The following CROCC2 variants were observed in gnomAD, a reference collection of about 807,000 sequenced individuals.
The protein encoded by CROCC2 is ciliary rootlet coiled-coil, rootletin family member 2.
CROCC2 carries 163 observed loss-of-function variants against 177.6 expected under a neutral mutation model. That is an observed-to-expected ratio of 0.92 (90% CI 0.81 to 1.05). The LOEUF is 1.05. Among genes scored for constraint, CROCC2 ranks in the 50% least tolerant of loss-of-function variants. The pLI is 0.00. For missense variants in CROCC2, 1,929 were observed against 1,797.8 expected, an observed-to-expected ratio of 1.07 and a Z score of -1.32; for synonymous variants, 904 against 787.3, an observed-to-expected ratio of 1.15 and a Z score of -2.48.
chr2:240,942,659 T>C (rs904982220), intron 14 of CROCC2, among the ~76,000 whole-genome samples: 1 of 152,212 alleles, frequency 6.6e-6, no homozygotes, highest in African/African-American at 2.4e-5. Context: ...AGAATAGGGA[T>C]AAATTGCCTT....
intron 1 of CROCC2, among the ~76,000 whole-genome samples, chr2:240,909,502 T>G (rs2059274208): frequency 6.6e-6 from 1 of 152,236 alleles, no homozygotes; most frequent in Admixed American, 6.5e-5. Context: ...CTTGCAGCCC[T>G]GTGAGGATTC....
intron 27 of CROCC2, among the ~76,000 whole-genome samples, chr2:240,968,904 C>T (rs936749289): frequency 6.6e-6 from 1 of 152,128 alleles, no homozygotes; most frequent in Non-Finnish European, 1.5e-5. Context: ...GAGCCCCAGG[C>T]CCAGCCAGCC....
At chr2:240,911,398 A>T (rs1048237120) in intron 1 of CROCC2, among the ~76,000 whole-genome samples, 1 of 150,116 alleles carries the variant, frequency 6.7e-6, no homozygotes, top group South Asian at 2.1e-4. Flanking sequence ...CCCATCTTCA[A>T]GCAATTCTCG....
rs1469662752 is a variant in CROCC2 at position 240,959,224 on chromosome 2, AGGGTCCT to A, written c.2944-74_2944-68del. ...AGGCCACTGCAACACCTCTCTCTCC[AGGGTCCT>A]GGCCTTACCTCACCCTCCACTGCTG... On this transcript the variant is annotated intron_variant, in intron 19 of 31. Coordinates refer to ENST00000690015, the MANE Select transcript of CROCC2 (RefSeq NM_001351305.2). The A allele has an allele frequency of 2.0e-6, 3 of 1,470,784 alleles. No individual in the cohort carries two copies. The Admixed American group carries it at 7.1e-5, about 35-fold the overall frequency. 91.1% of individuals were successfully genotyped at this position (1,470,784 alleles called of 1,614,324 possible). A position where few individuals can be genotyped will look rare whatever the true frequency, so the allele number is the denominator to read the frequency against.
intron 14 of CROCC2, among the ~76,000 whole-genome samples, chr2:240,942,304 C>T (rs1038907169): frequency 6.6e-6 from 1 of 152,202 alleles, no homozygotes; most frequent in Non-Finnish European, 1.5e-5. Flanking sequence ...CACACACACA[C>T]TCAATCATCT....
chr2:240,949,104 C>T lies in CROCC2; in HGVS notation c.2482+7C>T. The T allele has an allele frequency of 2.0e-6, 3 of 1,528,556 alleles. No homozygotes were observed. The highest frequency in any genetic ancestry group is 2.6e-6 in the Non-Finnish European group (3 of 1,138,080). 94.7% of individuals were successfully genotyped at this position (1,528,556 alleles called of 1,614,324 possible). On this transcript the variant is annotated splice_region_variant and intron_variant, in intron 16 of 31. Coordinates refer to ENST00000690015, the MANE Select transcript of CROCC2 (RefSeq NM_001351305.2). This position sits in a 1 kb window ranked among gnomAD's most constrained non-coding sequence, Gnocchi z 4.5. Reference sequence around the variant, plus strand: ...GCGCGGCAGGCCTTGCAAGGTGCTCCAAGGGCGCTCCCTCAGCTCCTTCCC... The same window carrying T: ...GCGCGGCAGGCCTTGCAAGGTGCTCTAAGGGCGCTCCCTCAGCTCCTTCCC...
In CROCC2 at chr2:240,965,519, G is replaced by A. The variant is rs1023250356; in HGVS notation, c.3603+1G>A. The A allele has an allele frequency of 1.9e-5, 29 of 1,550,286 alleles. 1 individual carries two copies. Among genetic ancestry groups the A allele is most frequent in the East Asian group, 2.4e-5 (1 of 40,918 alleles). On this transcript the variant is annotated splice_donor_variant, in intron 23 of 31. Transcript: ENST00000690015. LOFTEE classifies it high-confidence loss of function. ...CAAGCACGAGGGTGCCCGGAAGGAG[G>A]TGGGAGGGCTGCCTGTGGTCAGAAG... is the stretch of plus-strand genomic sequence containing the variant.
chr2:240,935,358 C>A lies in CROCC2; in HGVS notation c.1939C>A (p.Leu647Met). ...CAGAGCCCCCGACACCTGGTGGCAG[C>A]TGGAGCAGGAGCGGGACCAGCTGCG... ...KSALNHLALQ[L>M]EQERDQLREQ... Residue 647 changes from leucine to methionine, a missense_variant and splice_region_variant, in exon 14 of 32, where the codon CTG becomes ATG. Around this residue, in one of 3 missense-constraint regions of CROCC2, gnomAD observed 1,397 missense variants for 1,239.9 expected, o/e 1.13. Coordinates refer to ENST00000690015, the MANE Select transcript of CROCC2 (RefSeq NM_001351305.2). The A allele has an allele frequency of 7.4e-7, 1 of 1,353,342 alleles. No homozygotes were observed. The highest frequency in any genetic ancestry group is 3.4e-5 in the Admixed American group (1 of 29,802). 83.8% of individuals were successfully genotyped at this position (1,353,342 alleles called of 1,614,324 possible). A position where few individuals can be genotyped will look rare whatever the true frequency, so the allele number is the denominator to read the frequency against.
intron 27 of CROCC2, among the ~76,000 whole-genome samples, 193 bp downstream of exon 27, chr2:240,968,455 C>T (rs1574787542): frequency 6.6e-6 from 1 of 152,136 alleles, no homozygotes; most frequent in Non-Finnish European, 1.5e-5. Flanking sequence ...CTGTGGCAGG[C>T]GGCTTTGGGG....
In CROCC2 at chr2:240,950,422, C is replaced by T. The variant is rs1282485498; in HGVS notation, c.2741C>T (p.Ala914Val). ...AAGGAGCTGGTGACAAAAAGTGCAG[C>T]TGAGAGGGAGGCTCTGAAGGGGGAA... Reference protein sequence around the residue: ...QEKELVTKSAAEREALKGEIQ... With the variant: ...QEKELVTKSAVEREALKGEIQ... The change falls in exon 18 of 32, where the codon GCT (alanine) becomes GTT (valine). Residue 914 changes from alanine to valine, a missense_variant. Physicochemically the swap from Ala to Val is moderately conservative, Grantham distance 64. Transcript: ENST00000690015. The T allele has an allele frequency of 1.9e-6, 3 of 1,550,198 alleles. No homozygotes were observed. Among genetic ancestry groups the T allele is most frequent in the Non-Finnish European group, 2.6e-6 (3 of 1,146,856 alleles).
chr2:240,975,552 C>T (rs558406478), intron 27 of CROCC2, among the ~76,000 whole-genome samples: 42 of 152,102 alleles, frequency 2.8e-4, no homozygotes, highest in Non-Finnish European at 5.1e-4. Context: ...GTGTTTATGA[C>T]GTGTCCTGTC....
intron 27 of CROCC2, among the ~76,000 whole-genome samples, chr2:240,970,553 G>A (rs973700852): frequency 3.9e-5 from 6 of 152,204 alleles, no homozygotes; most frequent in Non-Finnish European, 8.8e-5. Context: ...TTATGGCTGG[G>A]CCAGGACAGC....
Position 240,993,106 on chromosome 2 carries a change from C to G in CROCC2, c.*25C>G, listed in dbSNP as rs1352079957. On this transcript the variant is annotated 3_prime_UTR_variant, in exon 32 of 32. Coordinates refer to ENST00000690015, the MANE Select transcript of CROCC2 (RefSeq NM_001351305.2). ...AAGCTCCCAGCACAGGGGAGGCGCC[C>G]AGCGTGGCTGCAGAGGAAGGGAACG... The G allele has an allele frequency of 5.6e-6, 4 of 716,266 alleles. No homozygotes were observed. Among genetic ancestry groups the G allele is most frequent in the Non-Finnish European group, 1.0e-5 (4 of 384,466 alleles). 44.4% of individuals were successfully genotyped at this position (716,266 alleles called of 1,614,324 possible). A position where few individuals can be genotyped will look rare whatever the true frequency, so the allele number is the denominator to read the frequency against.
At chr2:240,959,484 G>A (rs1457688244) in intron 20 of CROCC2, 40 bp downstream of exon 20, 5 of 1,544,490 alleles carry the variant, frequency 3.2e-6, no homozygotes, top group Non-Finnish European at 2.6e-6. Context: ...GATGCCAGAG[G>A]ACAGGAGAAA....
At chr2:240,945,459 C>T (rs2106467521) in intron 14 of CROCC2, among the ~76,000 whole-genome samples, 1 of 152,250 alleles carries the variant, frequency 6.6e-6, no homozygotes, top group South Asian at 2.1e-4. Context: ...ACTTTTGTCC[C>T]CCTCAGGCCA....
At chr2:240,957,930 C>T in intron 19 of CROCC2, 1 of 974,756 alleles carries the variant, frequency 1.0e-6, no homozygotes, top group Non-Finnish European at 1.2e-6. Context: ...CCTCCTGGGG[C>T]CCTGGGAGCT....
intron 1 of CROCC2, among the ~76,000 whole-genome samples, 162 bp downstream of exon 1, chr2:240,906,753 G>A (rs1010443729): frequency 5.3e-5 from 8 of 152,220 alleles, no homozygotes; most frequent in Middle Eastern, 3.2e-3. Context: ...AGCCAGTCAC[G>A]GATGCAAGCA....
intron 26 of CROCC2, 22 bp downstream of exon 26, chr2:240,967,487 C>T (rs537624352): frequency 3.6e-5 from 56 of 1,545,292 alleles, no homozygotes; most frequent in Admixed American, 1.2e-4. Flanking sequence ...TGCCCTGCCC[C>T]GCCCACCCTG....
At chr2:240,945,583 C>G (rs999879390) in intron 14 of CROCC2, among the ~76,000 whole-genome samples, 5 of 152,098 alleles carry the variant, frequency 3.3e-5, no homozygotes, top group African/African-American at 1.2e-4. Context: ...CTCTGTACCT[C>G]CCTTCTCTCC....
Sources: gnomAD v4.1 joint callset for allele counts (sites outside exome capture counted in the v4.1 genomes callset) on GRCh38, gnomAD v4.1.1 for gene constraint, gnomAD v4.1.1 regional missense constraint, Gnocchi (gnomAD v3.1) non-coding constraint, MANE v1.5 for transcripts, NCBI Gene and HGNC (gene_info 2026-07-23, HGNC 2026-07-21) for gene names.